LRRTM4: variants seen among roughly 807,000 people sequenced by gnomAD.
LRRTM4 encodes leucine-rich repeat transmembrane neuronal protein 4.
A neutral mutation model predicts 47.6 loss-of-function variants in LRRTM4; 25 were observed. That is an observed-to-expected ratio of 0.53 (90% CI 0.38 to 0.73). The LOEUF is 0.73. Ranked by LOEUF, LRRTM4 falls within the 30% of genes least tolerant of loss-of-function variation. The probability of loss-of-function intolerance (pLI) is 0.00; values close to 1 mark genes in which losing one functional copy is unlikely to be tolerated. For synonymous variants in LRRTM4, 311 were observed against 269.5 expected, an observed-to-expected ratio of 1.15 and a Z score of -1.51; for missense variants, 638 against 713.4, an observed-to-expected ratio of 0.89 and a Z score of 1.20.
chr2:77,162,488 CAG>C lies in LRRTM4; in HGVS notation c.1551+355828_1551+355829del, dbSNP rs368091571. Among the ~76,000 whole-genome samples, 25 of 152,248 alleles carry C rather than the reference CAG, an allele frequency of 1.6e-4. No homozygotes were observed. In the South Asian group the frequency reaches 5.0e-3, roughly 30 times the overall value. Reference sequence around the variant, plus strand: ...GAAGAGAGTAATGGTTCTCCCAGCACAGAGTTTGAGATCTGAGATGGACAGAC... The same window carrying C: ...GAAGAGAGTAATGGTTCTCCCAGCACAGTTTGAGATCTGAGATGGACAGAC... On this transcript the variant is annotated intron_variant, in intron 3 of 3. Transcript: ENST00000409884.
chr2:77,015,785 C>T (rs72823197), intron 3 of LRRTM4, among the ~76,000 whole-genome samples: 18,934 of 152,016 alleles, frequency 0.12, 1,457 homozygotes, highest in Admixed American at 0.2. Context: ...GAGGACTTGC[C>T]GCCATGCTTA....
rs557188342 is a variant in LRRTM4 at position 77,396,717 on chromosome 2, T to A, written c.1551+121601A>T. Among the ~76,000 whole-genome samples, 200 of 152,082 alleles carry A rather than the reference T, an allele frequency of 1.3e-3. 2 individuals carry two copies. Among genetic ancestry groups the A allele is most frequent in the African/African-American group, 4.3e-3 (179 of 41,542 alleles). On this transcript the variant is annotated intron_variant, in intron 3 of 3. Transcript: ENST00000409884. ...TATTTATTGGTGGAACTAGGCAATA[T>A]ATTGGTGAAACCAGGCAATATGCAC...
chr2:77,175,368 G>A (rs1673165627), intron 3 of LRRTM4, among the ~76,000 whole-genome samples: 1 of 152,048 alleles, frequency 6.6e-6, no homozygotes, highest in African/African-American at 2.4e-5. Flanking sequence ...GTGCTAAAGG[G>A]TGGAAGGCTA....
At chr2:77,426,799 G>A (rs912088044) in intron 3 of LRRTM4, among the ~76,000 whole-genome samples, 4 of 136,732 alleles carry the variant, frequency 2.9e-5, no homozygotes, top group African/African-American at 5.7e-5. Flanking sequence ...ACACACAGAG[G>A]TGTATGCACA....
intron 3 of LRRTM4, among the ~76,000 whole-genome samples, chr2:76,932,638 G>C (rs1347653212): frequency 6.6e-6 from 1 of 151,606 alleles, no homozygotes; most frequent in African/African-American, 2.4e-5. Context: ...AATATTTCCA[G>C]ATATTTCTAA....
rs190777356 is a variant in LRRTM4, at chr2:77,269,375, T to G, written c.1551+248943A>C. 4.6e-5 allele frequency among the ~76,000 whole-genome samples: 7 copies of G among 152,216 alleles called. No homozygotes were observed. The East Asian group carries it at 1.3e-3, about 29-fold the overall frequency. ...GCACATAAAAAATGTTGAATAAATA[T>G]CATTAAATTACTGTGAATAAGTTAA... On this transcript the variant is annotated intron_variant, in intron 3 of 3. Coordinates refer to ENST00000409884, the MANE Select transcript of LRRTM4 (RefSeq NM_001134745.3).
At chr2:77,147,967 A>T (rs1672303608) in intron 3 of LRRTM4, among the ~76,000 whole-genome samples, 1 of 152,150 alleles carries the variant, frequency 6.6e-6, no homozygotes, top group Non-Finnish European at 1.5e-5. Context: ...TGGAGATGTA[A>T]AAATTATTCA....
At chr2:76,974,147 TATAC>T (rs1158912459) in intron 3 of LRRTM4, among the ~76,000 whole-genome samples, 3 of 131,612 alleles carry the variant, frequency 2.3e-5, no homozygotes, top group Non-Finnish European at 4.6e-5. Context: ...TATACATATA[TATAC>T]ATACATATAT....
intron 3 of LRRTM4, among the ~76,000 whole-genome samples, chr2:76,888,534 A>G (rs1186636621): frequency 6.6e-6 from 1 of 151,758 alleles, no homozygotes; most frequent in African/African-American, 2.4e-5. Context: ...ATTAATAAAA[A>G]TACACTTAAA....
chr2:77,479,949 T>C (rs939775900), intron 3 of LRRTM4, among the ~76,000 whole-genome samples: 1 of 152,218 alleles, frequency 6.6e-6, no homozygotes, highest in Non-Finnish European at 1.5e-5. Flanking sequence ...AATAATACTT[T>C]ACATATGACA....
At chr2:77,141,780 C>T (rs761794105) in intron 3 of LRRTM4, among the ~76,000 whole-genome samples, 38 of 151,928 alleles carry the variant, frequency 2.5e-4, no homozygotes, top group Non-Finnish European at 3.1e-4. Context: ...ATTTTTTGAC[C>T]ACTATATATA....
intron 3 of LRRTM4, among the ~76,000 whole-genome samples, chr2:77,004,984 C>T (rs1425750591): frequency 6.6e-6 from 1 of 152,052 alleles, no homozygotes; most frequent in Admixed American, 6.6e-5. Context: ...ATGCCTGTAC[C>T]CCAGTTGTAT....
intron 3 of LRRTM4, among the ~76,000 whole-genome samples, chr2:77,217,394 TTATATTAATTAATTAATTAA>T: frequency 8.3e-6 from 1 of 119,794 alleles, no homozygotes; most frequent in East Asian, 2.3e-4. Flanking sequence ...TATTAATTAA[TTATATTAATTAATTAATTAA>T]TGATTTGGGC....
intron 3 of LRRTM4, among the ~76,000 whole-genome samples, chr2:77,178,401 C>T (rs1673256959): frequency 6.6e-6 from 1 of 152,142 alleles, no homozygotes; most frequent in African/African-American, 2.4e-5. Context: ...GCCTGGCCAA[C>T]ATGGTGAAAC....
chr2:77,286,344 T>C (rs1573196591), intron 3 of LRRTM4, among the ~76,000 whole-genome samples: 1 of 152,018 alleles, frequency 6.6e-6, no homozygotes, highest in Non-Finnish European at 1.5e-5. Context: ...TAATAAATTA[T>C]ACCAAATCAT....
chr2:77,345,606 C>T (rs1671532280), intron 3 of LRRTM4, among the ~76,000 whole-genome samples: 2 of 151,968 alleles, frequency 1.3e-5, no homozygotes, highest in South Asian at 2.1e-4. Flanking sequence ...TGACATACTA[C>T]TGTTATACAT....
intron 3 of LRRTM4, among the ~76,000 whole-genome samples, chr2:77,217,394 T>C (rs1674481335): frequency 8.3e-6 from 1 of 119,814 alleles, no homozygotes; most frequent in African/African-American, 3.5e-5. Context: ...TATTAATTAA[T>C]TATATTAATT....
intron 3 of LRRTM4, among the ~76,000 whole-genome samples, chr2:76,880,511 A>G (rs1384007839): frequency 1.3e-5 from 2 of 152,168 alleles, no homozygotes; most frequent in Non-Finnish European, 2.9e-5. Context: ...TAACTTTTAC[A>G]TGAACTAGGA....
At chr2:77,480,154 A>G (rs551359422) in intron 3 of LRRTM4, among the ~76,000 whole-genome samples, 5 of 152,072 alleles carry the variant, frequency 3.3e-5, no homozygotes, top group Non-Finnish European at 7.4e-5. Context: ...CCATTACACG[A>G]CATTTCCTCT....
Sources: gnomAD v4.1 joint callset for allele counts (sites outside exome capture counted in the v4.1 genomes callset) on GRCh38, gnomAD v4.1.1 for gene constraint, MANE v1.5 for transcripts, NCBI Gene and HGNC (gene_info 2026-07-23, HGNC 2026-07-21) for gene names.